Variants in SHISA6 observed in about 807,000 individuals in gnomAD.
SHISA6 encodes shisa family member 6, also known as protein shisa-6.
A neutral mutation model predicts 47.9 loss-of-function variants in SHISA6; 22 were observed. The observed-to-expected ratio is 0.46, with a 90% confidence interval of 0.33 to 0.66. SHISA6 has a LOEUF of 0.66. Among genes scored for constraint, SHISA6 ranks in the 30% least tolerant of loss-of-function variants. SHISA6 has a pLI of 0.02. For missense variants in SHISA6, 680 were observed against 764.6 expected, an observed-to-expected ratio of 0.89 and a Z score of 1.30; for synonymous variants, 388 against 337.8, an observed-to-expected ratio of 1.15 and a Z score of -1.63.
At chr17:11,419,342 T>C (rs1914385492) in intron 3 of SHISA6, among the ~76,000 whole-genome samples, 1 of 150,510 alleles carries the variant, frequency 6.6e-6, no homozygotes, top group Non-Finnish European at 1.5e-5. Context: ...TTACAGAAAA[T>C]TAAAAAAAAA....
intron 3 of SHISA6, among the ~76,000 whole-genome samples, chr17:11,519,316 G>A (rs2071609998): frequency 6.6e-6 from 1 of 152,214 alleles, no homozygotes; most frequent in Admixed American, 6.5e-5. Context: ...CCTGAAAAAG[G>A]AAGGACACTG....
chr17:11,374,236 G>C (rs938303592), intron 2 of SHISA6, among the ~76,000 whole-genome samples: 1 of 151,952 alleles, frequency 6.6e-6, no homozygotes, highest in Non-Finnish European at 1.5e-5. Flanking sequence ...TTTTAATTGG[G>C]TTGTTTACTT....
At chr17:11,243,093 CA>C (rs1907436175) in intron 1 of SHISA6, among the ~76,000 whole-genome samples, 1 of 151,812 alleles carries the variant, frequency 6.6e-6, no homozygotes, top group Admixed American at 6.6e-5. Flanking sequence ...CTGCCCTAGT[CA>C]CCATGAGCAC....
intron 2 of SHISA6, among the ~76,000 whole-genome samples, chr17:11,315,025 A>T (rs958490694): frequency 6.6e-6 from 1 of 152,194 alleles, no homozygotes; most frequent in Non-Finnish European, 1.5e-5. Context: ...TTAGAAGGGG[A>T]CATGAATGGA....
At chr17:11,275,375 G>A (rs1291392511) in intron 2 of SHISA6, among the ~76,000 whole-genome samples, 1 of 152,100 alleles carries the variant, frequency 6.6e-6, no homozygotes, top group Non-Finnish European at 1.5e-5. Context: ...TAGTTCATTA[G>A]CAGCACCTTG....
chr17:11,421,366 G>A (rs1914447165), intron 3 of SHISA6, among the ~76,000 whole-genome samples: 1 of 152,164 alleles, frequency 6.6e-6, no homozygotes, highest in African/African-American at 2.4e-5. Flanking sequence ...GGAAATAACA[G>A]CACCAGGGGG....
intron 3 of SHISA6, among the ~76,000 whole-genome samples, chr17:11,498,856 T>C (rs1459163265): frequency 6.6e-6 from 1 of 152,166 alleles, no homozygotes; most frequent in African/African-American, 2.4e-5. Flanking sequence ...AAGGATTTGC[T>C]TGATGATTTG....
rs534992751 is a variant in SHISA6, at chr17:11,411,958, A to G, written c.895+32449A>G. Among the ~76,000 whole-genome samples, 21 of 152,308 alleles carry G rather than the reference A, an allele frequency of 1.4e-4. No homozygotes were observed. In the South Asian group the frequency reaches 4.4e-3, roughly 32 times the overall value. ...TACCAATGTATGATTGTTTTTAGAA[A>G]AGGCAAGGTGGTTTTCATTTAGTTT... On this transcript the variant is annotated intron_variant, in intron 3 of 5. Transcript: ENST00000441885.
At chr17:11,431,537 G>T (rs2142290049) in intron 3 of SHISA6, among the ~76,000 whole-genome samples, 1 of 152,330 alleles carries the variant, frequency 6.6e-6, no homozygotes, top group South Asian at 2.1e-4. Flanking sequence ...TGTGGACACT[G>T]CCAGCTGCTA....
At chr17:11,535,906 TG>T (rs34605969) in intron 3 of SHISA6, among the ~76,000 whole-genome samples, 1 of 137,232 alleles carries the variant, frequency 7.3e-6, no homozygotes, top group African/African-American at 2.8e-5. Context: ...TGTGTGTGTG[TG>T]GTGTGTGTGT....
At chr17:11,534,299 C>T (rs962861139) in intron 3 of SHISA6, among the ~76,000 whole-genome samples, 3 of 151,868 alleles carry the variant, frequency 2.0e-5, no homozygotes, top group African/African-American at 4.8e-5. Context: ...TGAGTCACTG[C>T]GCCCGGCCTA....
intron 3 of SHISA6, among the ~76,000 whole-genome samples, chr17:11,411,863 T>G (rs1914130705): frequency 6.6e-6 from 1 of 152,232 alleles, no homozygotes; most frequent in South Asian, 2.1e-4. Context: ...ACCACGCACG[T>G]GCATTCAGGA....
At chr17:11,445,020 G>A (rs1055983149) in intron 3 of SHISA6, among the ~76,000 whole-genome samples, 2 of 152,186 alleles carry the variant, frequency 1.3e-5, no homozygotes, top group African/African-American at 4.8e-5. Context: ...AAATGCAGCT[G>A]TAGAGAGGTG....
intron 3 of SHISA6, among the ~76,000 whole-genome samples, chr17:11,467,273 C>T (rs1293949018): frequency 1.3e-5 from 2 of 152,164 alleles, no homozygotes; most frequent in African/African-American, 4.8e-5. Flanking sequence ...GATGAACAAG[C>T]TCACGCTGGT....
chr17:11,428,870 C>T lies in SHISA6; in HGVS notation c.895+49361C>T, dbSNP rs571967142. 1.1e-3 allele frequency among the ~76,000 whole-genome samples: 160 copies of T among 151,366 alleles called. 1 individual carries two copies. Among genetic ancestry groups the T allele is most frequent in the Middle Eastern group, 3.4e-3 (1 of 294 alleles). ...CACGATCTCTGCTTACTGCAAGCTCCGCCTGCCGGGTTCATGCCATTCTCC... is the reference window on the plus strand; with the variant it reads ...CACGATCTCTGCTTACTGCAAGCTCTGCCTGCCGGGTTCATGCCATTCTCC... On this transcript the variant is annotated intron_variant, in intron 3 of 5. Transcript: ENST00000441885.
Position 11,502,585 on chromosome 17 carries a change from C to T in SHISA6, c.896-49311C>T, listed in dbSNP as rs1387429492. ...CTACTAAAAGTAAAAAAATTAGCCA[C>T]GCATGGTGGTGTGTGCCTGTAATCC... On this transcript the variant is annotated intron_variant, in intron 3 of 5. Transcript: ENST00000441885. Among the ~76,000 whole-genome samples, 5 of 149,260 alleles carry T rather than the reference C, an allele frequency of 3.3e-5. No individual in the cohort carries two copies. In the East Asian group the frequency reaches 8.1e-4, roughly 24 times the overall value.
chr17:11,401,762 T>C (rs1398452025), intron 3 of SHISA6, among the ~76,000 whole-genome samples: 1 of 152,230 alleles, frequency 6.6e-6, no homozygotes, highest in Non-Finnish European at 1.5e-5. Flanking sequence ...AAATTTATAC[T>C]AACGGAGGTT....
chr17:11,243,489 C>G (rs1380791935), intron 1 of SHISA6, among the ~76,000 whole-genome samples: 1 of 152,062 alleles, frequency 6.6e-6, no homozygotes, highest in Non-Finnish European at 1.5e-5. Flanking sequence ...CCACTTGCAC[C>G]TCATGTCTCA....
chr17:11,474,405 GTTT>G (rs55978546), intron 3 of SHISA6, among the ~76,000 whole-genome samples: 42,242 of 141,394 alleles, frequency 0.3, 6,280 homozygotes, highest in African/African-American at 0.39. Context: ...CTTTTTGATG[GTTT>G]TTTTTTTTTT....
Sources: gnomAD v4.1 joint callset for allele counts (sites outside exome capture counted in the v4.1 genomes callset) on GRCh38, gnomAD v4.1.1 for gene constraint, MANE v1.5 for transcripts, NCBI Gene and HGNC (gene_info 2026-07-23, HGNC 2026-07-21) for gene names.